Variants in TTC28 observed in about 807,000 individuals in gnomAD.
The protein encoded by TTC28 is tetratricopeptide repeat protein 28.
Under a neutral mutation model 198.0 loss-of-function variants are expected in TTC28, and 61 were observed. The observed-to-expected ratio is 0.31, with a 90% CI of 0.25 to 0.38. The LOEUF is 0.38. Among genes scored for constraint, TTC28 ranks in the 10% least tolerant of loss-of-function variants. TTC28 has a pLI of 1.00. For missense variants in TTC28, 2,678 were observed against 3,164.0 expected, an observed-to-expected ratio of 0.85 and a Z score of 3.69; for synonymous variants, 1,171 against 1,297.8, an observed-to-expected ratio of 0.90 and a Z score of 2.10.
chr22:28,486,355 T>G (rs946767799), intron 2 of TTC28, among the ~76,000 whole-genome samples: 2 of 152,170 alleles, frequency 1.3e-5, no homozygotes, highest in Non-Finnish European at 2.9e-5. Flanking sequence ...ATTAATTTTC[T>G]TTAAGAAATG....
intron 2 of TTC28, among the ~76,000 whole-genome samples, chr22:28,318,812 C>CTTTTTT (rs71316836): frequency 2.0e-4 from 12 of 61,330 alleles, no homozygotes; most frequent in East Asian, 5.5e-4. Context: ...GAAGTGTATT[C>CTTTTTT]TTTTTTTTTT....
chr22:28,073,012 G>C (rs1396092588), intron 12 of TTC28, among the ~76,000 whole-genome samples: 1 of 152,178 alleles, frequency 6.6e-6, no homozygotes, highest in Non-Finnish European at 1.5e-5. Flanking sequence ...GGCCAGGCTA[G>C]TTCTGTGGGC....
intron 2 of TTC28, among the ~76,000 whole-genome samples, chr22:28,476,437 C>T (rs139216792): frequency 1.3e-5 from 2 of 152,222 alleles, no homozygotes; most frequent in Non-Finnish European, 2.9e-5. Context: ...TAAAACATAG[C>T]TCCTAGTGCA....
intron 12 of TTC28, among the ~76,000 whole-genome samples, chr22:28,088,800 C>G (rs1198610785): frequency 1.3e-5 from 2 of 152,132 alleles, no homozygotes. Flanking sequence ...CTACAAGGAA[C>G]TCAAACAAAT....
At position 28,087,496 on chromosome 22, in the gene TTC28, T is replaced by C. The variant is rs570834635; in HGVS notation, c.3932+6584A>G. On this transcript the variant is annotated intron_variant, in intron 12 of 22. Coordinates refer to ENST00000397906, the MANE Select transcript of TTC28 (RefSeq NM_001145418.2). ...CTAAAAAGTCTCAATAAATTAGGTA[T>C]TGATGGGACGTATCTCAAAATAATA... 6.3e-3 allele frequency among the ~76,000 whole-genome samples: 964 copies of C among 152,280 alleles called. 8 individuals carry two copies. The highest frequency in any genetic ancestry group is 0.011 in the Non-Finnish European group (723 of 68,022).
At chr22:28,245,671 T>C (rs1006472104) in intron 5 of TTC28, among the ~76,000 whole-genome samples, 2 of 152,206 alleles carry the variant, frequency 1.3e-5, no homozygotes, top group Non-Finnish European at 2.9e-5. Flanking sequence ...AAATAAATGT[T>C]AAACATTGTA....
At chr22:28,463,906 A>G (rs983186053) in intron 2 of TTC28, among the ~76,000 whole-genome samples, 1 of 152,082 alleles carries the variant, frequency 6.6e-6, no homozygotes, top group Non-Finnish European at 1.5e-5. Context: ...AACTTAAAGT[A>G]TAATTAAAAC....
At chr22:28,025,935 C>T (rs1339000813) in intron 13 of TTC28, among the ~76,000 whole-genome samples, 1 of 152,128 alleles carries the variant, frequency 6.6e-6, no homozygotes, top group Non-Finnish European at 1.5e-5. Context: ...ACGTGTGTGC[C>T]AGGTCTCAGC....
chr22:28,637,264 A>G (rs538567068), intron 1 of TTC28, among the ~76,000 whole-genome samples: 3 of 152,258 alleles, frequency 2.0e-5, no homozygotes, highest in Admixed American at 2.0e-4. Context: ...CGCCTGCCTC[A>G]GCCTCCCAAA....
At chr22:28,049,032 G>A (rs190995370) in intron 12 of TTC28, among the ~76,000 whole-genome samples, 70 of 152,282 alleles carry the variant, frequency 4.6e-4, no homozygotes, top group Non-Finnish European at 7.9e-4. Flanking sequence ...ACCATAAGGA[G>A]CCTTCAGTCT....
At chr22:28,136,006 A>G (rs1179729023) in intron 6 of TTC28, among the ~76,000 whole-genome samples, 3 of 152,248 alleles carry the variant, frequency 2.0e-5, no homozygotes, top group African/African-American at 4.8e-5. Flanking sequence ...TTCACAATCA[A>G]TTGCAGAATA....
chr22:28,242,105 T>C (rs1929695871), intron 5 of TTC28, among the ~76,000 whole-genome samples: 1 of 152,204 alleles, frequency 6.6e-6, no homozygotes. Context: ...GGGATCTTCA[T>C]AACAACTCAC....
At chr22:28,221,427 T>C (rs946017632) in intron 5 of TTC28, among the ~76,000 whole-genome samples, 1 of 152,182 alleles carries the variant, frequency 6.6e-6, no homozygotes, top group Non-Finnish European at 1.5e-5. Flanking sequence ...TGGTCAGGGA[T>C]TGACTAGGTG....
rs978758163 is a variant in TTC28, at chr22:27,978,048, T to C, written c.*4173A>G. ...AGGGAACTCATGCTTTAATAGACAC[T>C]GAAAATCACAAAGGAGGAAGGCCAA... On this transcript the variant is annotated 3_prime_UTR_variant, in exon 23 of 23. Transcript: ENST00000397906. The C allele has an allele frequency of 7.2e-5, 11 of 152,126 alleles. No individual in the cohort carries two copies. Among genetic ancestry groups the C allele is most frequent in the African/African-American group, 2.7e-4 (11 of 41,406 alleles). The allele number at this position is 152,126 out of a possible 1,614,324, so 9.4% of individuals were successfully genotyped here.
At chr22:28,629,396 T>C in intron 2 of TTC28, 156 bp downstream of exon 2, 3 of 686,044 alleles carry the variant, frequency 4.4e-6, no homozygotes, top group Non-Finnish European at 6.9e-6. Flanking sequence ...AGCTTTTCGC[T>C]AGTGTACCAG....
rs544128351 is a variant in TTC28, at chr22:28,041,101, G to T, written c.3933-10735C>A. Among the ~76,000 whole-genome samples, 9 of 152,258 alleles carry T rather than the reference G, an allele frequency of 5.9e-5. No homozygotes were observed. In the East Asian group the frequency reaches 1.5e-3, roughly 26 times the overall value. ...TAAAAGAGGGCACAAACAAATGGAA[G>T]AACATTCCATGCTCATGGATAGGAA... On this transcript the variant is annotated intron_variant, in intron 12 of 22. Transcript: ENST00000397906.
chr22:28,277,145 T>G (rs2044487847), intron 5 of TTC28, among the ~76,000 whole-genome samples: 1 of 152,194 alleles, frequency 6.6e-6, no homozygotes, highest in South Asian at 2.1e-4. Flanking sequence ...GAAAGACATG[T>G]TCTAACACAC....
At chr22:28,670,866 T>TTATTGTC (rs796249292) in intron 1 of TTC28, among the ~76,000 whole-genome samples, 55 of 152,162 alleles carry the variant, frequency 3.6e-4, no homozygotes, top group African/African-American at 1.3e-3. Flanking sequence ...CCAGTACTTG[T>TTATTGTC]TATTGTCTAT....
intron 2 of TTC28, among the ~76,000 whole-genome samples, chr22:28,557,496 A>C (rs1202405645): frequency 6.6e-6 from 1 of 152,164 alleles, no homozygotes; most frequent in African/African-American, 2.4e-5. Context: ...ATGTACAGAC[A>C]TTCTATTTGG....
Sources: allele counts gnomAD v4.1 joint callset (sites outside exome capture counted in the v4.1 genomes callset), GRCh38; gene constraint gnomAD v4.1.1; transcripts MANE v1.5; gene names NCBI Gene and HGNC (gene_info 2026-07-23, HGNC 2026-07-21).